Variants in RBFOX1 observed in about 807,000 individuals in gnomAD.
The protein encoded by RBFOX1 is RNA binding protein fox-1 homolog 1.
In RBFOX1, 8 loss-of-function variants were observed where a neutral mutation model predicts 57.7. The observed-to-expected ratio is 0.14, with a 90% CI of 0.08 to 0.25. The LOEUF (loss-of-function observed/expected upper bound fraction) is 0.25, where lower values mean the gene tolerates loss of function less well. Ranked by LOEUF, RBFOX1 falls within the 10% of genes least tolerant of loss-of-function variation. The pLI, the probability that RBFOX1 is intolerant of heterozygous loss-of-function variation, is 1.00. For synonymous variants in RBFOX1, 326 were observed against 222.4 expected (o/e 1.47, Z -4.15); for missense variants, 611 against 548.5 (o/e 1.11, Z -1.14).
At chr16:6,039,599 A>G (rs936700870) in intron 1 of RBFOX1, among the ~76,000 whole-genome samples, 2 of 152,188 alleles carry the variant, frequency 1.3e-5, no homozygotes, top group African/African-American at 2.4e-5. Flanking sequence ...AGCTTCTGCA[A>G]CAGTGATTCC....
At chr16:6,239,722 C>T (rs1231372907) in intron 1 of RBFOX1, among the ~76,000 whole-genome samples, 1 of 152,058 alleles carries the variant, frequency 6.6e-6, no homozygotes, top group Non-Finnish European at 1.5e-5. Flanking sequence ...TGGTCTTGAA[C>T]TCCTGACCTC....
chr16:6,612,858 A>AG (rs1296216760), intron 2 of RBFOX1, among the ~76,000 whole-genome samples: 2 of 68,982 alleles, frequency 2.9e-5, no homozygotes, highest in Non-Finnish European at 5.8e-5. Flanking sequence ...TCAAAAAAAA[A>AG]AAAAAAATAA....
intron 4 of RBFOX1, among the ~76,000 whole-genome samples, chr16:7,164,955 C>T (rs1357034776): frequency 1.3e-5 from 2 of 152,142 alleles, no homozygotes; most frequent in Non-Finnish European, 1.5e-5. Flanking sequence ...ATGGAGTTGG[C>T]AGCGTGTATC....
intron 1 of RBFOX1, among the ~76,000 whole-genome samples, chr16:6,279,645 GA>G (rs1413040676): frequency 1.3e-5 from 2 of 152,178 alleles, no homozygotes; most frequent in African/African-American, 4.8e-5. Context: ...TTAGGGAGAA[GA>G]GAAACATAAA....
chr16:5,318,279 C>T (rs892828813), intron 1 of RBFOX1, among the ~76,000 whole-genome samples: 11 of 152,148 alleles, frequency 7.2e-5, no homozygotes, highest in Non-Finnish European at 1.3e-4. Context: ...CAGGCATTCA[C>T]CACCACACCC....
At chr16:5,537,823 C>G (rs527622659) in intron 2 of RBFOX1, among the ~76,000 whole-genome samples, 60 of 152,346 alleles carry the variant, frequency 3.9e-4, no homozygotes, top group African/African-American at 1.4e-3. Flanking sequence ...ATCTCCTTCT[C>G]TCAAGCTGTA....
At chr16:7,526,579 G>T (rs1344441264) in intron 5 of RBFOX1, among the ~76,000 whole-genome samples, 1 of 152,118 alleles carries the variant, frequency 6.6e-6, no homozygotes, top group Admixed American at 6.6e-5. Flanking sequence ...CTTTGAGGAG[G>T]GTTTACGCCT....
At chr16:6,937,933 T>C (rs1472817112) in intron 3 of RBFOX1, among the ~76,000 whole-genome samples, 3 of 129,990 alleles carry the variant, frequency 2.3e-5, no homozygotes, top group Non-Finnish European at 4.6e-5. Context: ...GTTTTTCAGC[T>C]CAACTTTGGA....
chr16:5,337,044 TG>T (rs1178904786), intron 1 of RBFOX1, among the ~76,000 whole-genome samples: 1 of 152,176 alleles, frequency 6.6e-6, no homozygotes, highest in Admixed American at 6.5e-5. Context: ...GCTGCACTCT[TG>T]GTATTTACTC....
chr16:7,647,351 C>G (rs938861677), intron 11 of RBFOX1, among the ~76,000 whole-genome samples: 2 of 152,064 alleles, frequency 1.3e-5, no homozygotes, highest in Admixed American at 6.5e-5. Context: ...GTAGTGATAC[C>G]AGATTTTTCT....
intron 2 of RBFOX1, among the ~76,000 whole-genome samples, chr16:5,564,543 T>C (rs1302914959): frequency 6.6e-6 from 1 of 152,122 alleles, no homozygotes; most frequent in Non-Finnish European, 1.5e-5. Context: ...CCCTTTCCCT[T>C]GCGGTCACTT....
intron 5 of RBFOX1, among the ~76,000 whole-genome samples, chr16:7,539,748 G>A (rs1190595859): frequency 6.6e-6 from 1 of 152,200 alleles, no homozygotes; most frequent in Admixed American, 6.5e-5. Flanking sequence ...TGGGCTTCCT[G>A]CTTCTGCCCT....
At chr16:6,699,348 G>C (rs1183552324) in intron 3 of RBFOX1, among the ~76,000 whole-genome samples, 1 of 151,034 alleles carries the variant, frequency 6.6e-6, no homozygotes, top group Non-Finnish European at 1.5e-5. Flanking sequence ...ACTAAAATAA[G>C]GTTCTCTGTA....
At chr16:6,507,768 G>C (rs2096143156) in intron 2 of RBFOX1, among the ~76,000 whole-genome samples, 1 of 152,008 alleles carries the variant, frequency 6.6e-6, no homozygotes, top group Non-Finnish European at 1.5e-5. Flanking sequence ...ATCTAAAGTA[G>C]TCAAATTCAT....
intron 2 of RBFOX1, among the ~76,000 whole-genome samples, chr16:6,654,358 T>C (rs1172915313): frequency 2.6e-5 from 4 of 152,226 alleles, no homozygotes; most frequent in Admixed American, 2.0e-4. Context: ...TCCATAGCCT[T>C]TGCCTACATT....
intron 3 of RBFOX1, among the ~76,000 whole-genome samples, chr16:6,798,668 A>AT (rs2084662212): frequency 6.6e-6 from 1 of 152,190 alleles, no homozygotes; most frequent in South Asian, 2.1e-4. Flanking sequence ...TTTGGCTTTA[A>AT]TTTTGTGCTT....
intron 1 of RBFOX1, among the ~76,000 whole-genome samples, chr16:5,295,806 A>G (rs79635952): frequency 0.018 from 2,713 of 152,294 alleles, 76 homozygotes; most frequent in African/African-American, 0.062. Context: ...TTAACAGGGA[A>G]GAGGTTGTAC....
At chr16:7,230,489 G>T (rs1224255550) in intron 4 of RBFOX1, among the ~76,000 whole-genome samples, 2 of 152,102 alleles carry the variant, frequency 1.3e-5, no homozygotes, top group Non-Finnish European at 2.9e-5. Flanking sequence ...TCACATTCAG[G>T]AAAGGGCTGA....
At chr16:6,306,980 G>A (rs1449811654) in intron 1 of RBFOX1, among the ~76,000 whole-genome samples, 1 of 151,982 alleles carries the variant, frequency 6.6e-6, no homozygotes, top group Non-Finnish European at 1.5e-5. Flanking sequence ...ACATGAACCT[G>A]AAGGCACCAC....
Sources: gnomAD v4.1 joint callset for allele counts (sites outside exome capture counted in the v4.1 genomes callset) on GRCh38, gnomAD v4.1.1 for gene constraint, MANE v1.5 for transcripts, NCBI Gene and HGNC (gene_info 2026-07-23, HGNC 2026-07-21) for gene names.